PCDHA13: variants seen among roughly 807,000 people sequenced by gnomAD.
PCDHA13 encodes the protein protocadherin alpha 13.
PCDHA13 carries 54 observed loss-of-function variants against 64.8 expected under a neutral mutation model. That is an observed-to-expected ratio of 0.83 (90% CI 0.67 to 1.04). PCDHA13 has a LOEUF of 1.04. PCDHA13 is among the 50% of genes least tolerant of loss of function. The probability of loss-of-function intolerance (pLI) is 0.00; values close to 1 mark genes in which losing one functional copy is unlikely to be tolerated. For missense variants in PCDHA13, 1,248 were observed against 1,254.3 expected, an observed-to-expected ratio of 0.99 and a Z score of 0.08; for synonymous variants, 587 against 564.4, an observed-to-expected ratio of 1.04 and a Z score of -0.57.
At chr5:140,983,408 A>C (rs1554245369) in intron 3 of PCDHA13, among the ~76,000 whole-genome samples, 1 of 152,208 alleles carries the variant, frequency 6.6e-6, no homozygotes, top group East Asian at 1.9e-4. Context: ...GGGAAGATTA[A>C]GTGTTGGTAG....
chr5:141,009,019 C>G (rs1160022658), intron 3 of PCDHA13, among the ~76,000 whole-genome samples: 2 of 152,232 alleles, frequency 1.3e-5, no homozygotes, highest in African/African-American at 4.8e-5. Flanking sequence ...CCTTTAGGCT[C>G]TGTATTTCCC....
At chr5:140,927,399 TC>T (rs781939330) in intron 1 of PCDHA13, 1 of 1,614,076 alleles carries the variant, frequency 6.2e-7, no homozygotes. Context: ...GTCAGCACTT[TC>T]GCCTGGACAT....
intron 1 of PCDHA13, among the ~76,000 whole-genome samples, chr5:140,969,719 T>G (rs1448594057): frequency 7.9e-5 from 12 of 152,220 alleles, no homozygotes; most frequent in Non-Finnish European, 1.5e-4. Flanking sequence ...AGGGAAATTT[T>G]TCTTTTGAAA....
chr5:140,992,590 T>C (rs536991072), intron 3 of PCDHA13, among the ~76,000 whole-genome samples: 1 of 152,300 alleles, frequency 6.6e-6, no homozygotes, highest in East Asian at 1.9e-4. Flanking sequence ...TGTATGCATC[T>C]AGCGTCTGTG....
At chr5:140,934,151 A>G (rs1478465122) in intron 1 of PCDHA13, among the ~76,000 whole-genome samples, 3 of 152,088 alleles carry the variant, frequency 2.0e-5, no homozygotes, top group African/African-American at 7.2e-5. Context: ...TTATATGTTT[A>G]TATTTCAGTG....
rs141467715 is a variant in PCDHA13 at position 140,882,439 on chromosome 5, G to A, written c.171G>A (p.Ala57=). 19 of 1,613,928 alleles carry A rather than the reference G, an allele frequency of 1.2e-5. No individual in the cohort carries two copies. The African/African-American group carries it at 1.5e-4, about 12-fold the overall frequency. ...RIAQDLGLEL[A]ELVPRLFRVA... ...CTCAGGACCTGGGGCTGGAGCTGGC[G>A]GAGCTGGTGCCGCGCCTGTTCCGGG... is the stretch of plus-strand genomic sequence containing the variant. The change falls in exon 1 of 4, where the codon GCG becomes GCA. Residue 57 remains alanine (A), a synonymous_variant. Transcript: ENST00000289272.
At chr5:140,936,163 G>A (rs2090818025) in intron 1 of PCDHA13, among the ~76,000 whole-genome samples, 1 of 152,090 alleles carries the variant, frequency 6.6e-6, no homozygotes, top group African/African-American at 2.4e-5. Flanking sequence ...AAAGTGCTGG[G>A]ATTAGAGGCC....
At chr5:140,974,804 A>G (rs2096641388) in intron 1 of PCDHA13, among the ~76,000 whole-genome samples, 1 of 152,204 alleles carries the variant, frequency 6.6e-6, no homozygotes, top group Non-Finnish European at 1.5e-5. Context: ...TTGATATACT[A>G]GAAGACCAAT....
At position 140,982,572 on chromosome 5, in the gene PCDHA13, C is replaced by G. The variant is rs782271002; in HGVS notation, c.2542+9C>G. 1 of 1,613,760 alleles carries G rather than the reference C, an allele frequency of 6.2e-7. No homozygotes were observed. Among genetic ancestry groups the G allele is most frequent in the Non-Finnish European group, 8.5e-7 (1 of 1,179,726 alleles). On this transcript the variant is annotated intron_variant, in intron 3 of 3. Transcript: ENST00000289272. ...ATCCAGTGCAACACCAGGTAAAGAGCTGGGGTCTCTCCATTCTTTCTTGGT... is the reference window on the plus strand; with the variant it reads ...ATCCAGTGCAACACCAGGTAAAGAGGTGGGGTCTCTCCATTCTTTCTTGGT...
chr5:140,883,378 C>G lies in PCDHA13; in HGVS notation c.1110C>G (p.Ala370=), dbSNP rs782530143. Residue 370 remains alanine, a synonymous_variant, in exon 1 of 4, where the codon GCC becomes GCG. Coordinates refer to ENST00000289272, the MANE Select transcript of PCDHA13 (RefSeq NM_018904.3). ...REDTQPSAII[A]LISVSDRDSG... ...ACACTCAGCCTAGCGCCATTATTGC[C>G]CTAATCAGTGTGTCCGATCGTGACT... 6.2e-7 allele frequency: 1 copy of G among 1,614,146 alleles called. No individual in the cohort carries two copies. The highest frequency in any genetic ancestry group is 8.5e-7 in the Non-Finnish European group (1 of 1,180,022).
At chr5:140,969,146 AAGGCCTGTCTGACAGC>A in intron 1 of PCDHA13, 1 of 1,614,170 alleles carries the variant, frequency 6.2e-7, no homozygotes, top group Non-Finnish European at 8.5e-7. Flanking sequence ...CTACTGCTAC[AAGGCCTGTCTGACAGC>A]AGGCTCAGGG....
At chr5:140,976,888 A>C (rs1050816491) in intron 1 of PCDHA13, among the ~76,000 whole-genome samples, 1 of 152,218 alleles carries the variant, frequency 6.6e-6, no homozygotes, top group Non-Finnish European at 1.5e-5. Context: ...ATTAGGATAC[A>C]TGCAACAGTA....
At chr5:140,987,262 G>A (rs563934474) in intron 3 of PCDHA13, among the ~76,000 whole-genome samples, 1 of 151,978 alleles carries the variant, frequency 6.6e-6, no homozygotes, top group South Asian at 2.1e-4. Context: ...TCTCAGGAAT[G>A]GGACCCGGCA....
At position 140,884,339 on chromosome 5, in the gene PCDHA13, G is replaced by A. The variant is rs1178682525; in HGVS notation, c.2071G>A (p.Ala691Thr). 6.2e-7 allele frequency: 1 copy of A among 1,613,788 alleles called. No homozygotes were observed. The highest frequency in any genetic ancestry group is 8.5e-7 in the Non-Finnish European group (1 of 1,179,880). The change falls in exon 1 of 4, where the codon GCG becomes ACG. Residue 691 changes from alanine to threonine, a missense_variant. By Grantham distance (58) the Ala-to-Thr change is moderately conservative (BLOSUM62 0). Transcript: ENST00000289272. ...RASAGAVGPEAALVDVNVYLI... is the reference protein window; with the variant it reads ...RASAGAVGPETALVDVNVYLI... Reference sequence around the variant, plus strand: ...GTCGGCAGGCGCTGTGGGTCCAGAAGCGGCGCTGGTGGATGTCAATGTTTA... The same window carrying A: ...GTCGGCAGGCGCTGTGGGTCCAGAAACGGCGCTGGTGGATGTCAATGTTTA...
chr5:140,893,249 T>A (rs1317089236), intron 1 of PCDHA13, among the ~76,000 whole-genome samples: 2 of 152,220 alleles, frequency 1.3e-5, no homozygotes, highest in African/African-American at 4.8e-5. Context: ...TTTCCTTTTC[T>A]TTGGATAAAT....
intron 3 of PCDHA13, among the ~76,000 whole-genome samples, chr5:140,999,739 T>C (rs2097873545): frequency 6.6e-6 from 1 of 152,196 alleles, no homozygotes; most frequent in Admixed American, 6.5e-5. Flanking sequence ...AATGTTTGAA[T>C]CTGGGTTCGC....
At position 140,883,904 on chromosome 5, in the gene PCDHA13, G is replaced by A. The variant is rs146827381; in HGVS notation, c.1636G>A (p.Gly546Ser). 7,677 of 1,613,344 alleles carry A rather than the reference G, an allele frequency of 4.8e-3. 19 individuals are homozygous for A. The highest frequency in any genetic ancestry group is 5.8e-3 in the Non-Finnish European group (6,886 of 1,179,828). Residue 546 changes from glycine (G) to serine (S), a missense_variant, in exon 1 of 4, where the codon GGC becomes AGC. Physicochemically the swap from Gly to Ser is moderately conservative, Grantham distance 56 (BLOSUM62 0). Transcript: ENST00000289272. ...SARDSGVPPLGSNVTLQVFVL... is the reference protein window; with the variant it reads ...SARDSGVPPLSSNVTLQVFVL... ...GCGCGACTCTGGCGTGCCGCCTCTG[G>A]GCAGCAACGTGACGCTGCAGGTGTT... is the stretch of plus-strand genomic sequence containing the variant.
intron 1 of PCDHA13, among the ~76,000 whole-genome samples, chr5:140,886,751 G>A (rs1156754601): frequency 2.0e-5 from 3 of 151,312 alleles, no homozygotes; most frequent in African/African-American, 7.3e-5. Context: ...GCTTGAACCC[G>A]GGAGGTGGAG....
intron 1 of PCDHA13, among the ~76,000 whole-genome samples, chr5:140,955,987 A>T (rs1185683030): frequency 6.6e-6 from 1 of 152,198 alleles, no homozygotes; most frequent in Non-Finnish European, 1.5e-5. Context: ...CAATTTTTGC[A>T]CATTGATTTT....
Sources: allele counts gnomAD v4.1 joint callset (sites outside exome capture counted in the v4.1 genomes callset), GRCh38; gene constraint gnomAD v4.1.1; transcripts MANE v1.5; gene names NCBI Gene and HGNC (gene_info 2026-07-23, HGNC 2026-07-21).